The following INPP5B variants were observed in gnomAD, a reference collection of about 807,000 sequenced individuals.
INPP5B encodes the protein type II inositol 1,4,5-trisphosphate 5-phosphatase.
Under a neutral mutation model 118.5 loss-of-function variants are expected in INPP5B, and 90 were observed. The ratio of observed to expected loss-of-function variants is 0.76; its 90% confidence interval spans 0.64 to 0.90. The LOEUF (loss-of-function observed/expected upper bound fraction) is 0.90, where lower values mean the gene tolerates loss of function less well. INPP5B is among the 40% of genes least tolerant of loss of function. The probability of loss-of-function intolerance (pLI) is 0.00; values close to 1 mark genes in which losing one functional copy is unlikely to be tolerated. For synonymous variants in INPP5B, 385 were observed against 418.9 expected (o/e 0.92, Z 0.99); for missense variants, 984 against 1,125.6 (o/e 0.87, Z 1.80).
At chr1:37,938,226 G>T (rs541087668) in intron 6 of INPP5B, among the ~76,000 whole-genome samples, 2 of 151,266 alleles carry the variant, frequency 1.3e-5, no homozygotes. Flanking sequence ...CCGAGATTGC[G>T]CCATTGCACT....
At chr1:37,925,579 C>G (rs76164173) in intron 7 of INPP5B, among the ~76,000 whole-genome samples, 5,511 of 152,224 alleles carry the variant, frequency 0.036, 273 homozygotes, top group African/African-American at 0.11. Flanking sequence ...TGCAAGTCAG[C>G]TAGCATCTAT....
rs151287662 is a variant in INPP5B at position 37,908,449 on chromosome 1, G to T, written c.533-16995C>A. ...CTTTTTCCTCTCTAGTAGAGACAAGGAGACGGCCAGGTGCGGTGGCTCACG... is the reference window on the plus strand; with the variant it reads ...CTTTTTCCTCTCTAGTAGAGACAAGTAGACGGCCAGGTGCGGTGGCTCACG... On this transcript the variant is annotated intron_variant, in intron 7 of 23. Coordinates refer to ENST00000373024, the MANE Select transcript of INPP5B (RefSeq NM_005540.3). Among the ~76,000 whole-genome samples, 576 of 152,184 alleles carry T rather than the reference G, an allele frequency of 3.8e-3. 4 individuals are homozygous for T. Among genetic ancestry groups the T allele is most frequent in the African/African-American group, 0.013 (547 of 41,524 alleles).
intron 7 of INPP5B, among the ~76,000 whole-genome samples, chr1:37,926,593 T>C (rs1037911510): frequency 1.1e-4 from 17 of 152,318 alleles, no homozygotes; most frequent in African/African-American, 4.1e-4. Flanking sequence ...AGCTGGCTCA[T>C]TTCTAATCAA....
At chr1:37,880,764 C>CT (rs1280305912) in intron 14 of INPP5B, among the ~76,000 whole-genome samples, 3 of 152,158 alleles carry the variant, frequency 2.0e-5, no homozygotes, top group Non-Finnish European at 4.4e-5. Flanking sequence ...CTCACTCTGT[C>CT]ACCCAGGCTG....
At chr1:37,891,917 A>C (rs1025047202) in intron 7 of INPP5B, among the ~76,000 whole-genome samples, 1 of 152,252 alleles carries the variant, frequency 6.6e-6, no homozygotes, top group Non-Finnish European at 1.5e-5. Context: ...TGTCTGGGTG[A>C]AGTCCCACAG....
chr1:37,891,544 G>T (rs1219295654), intron 7 of INPP5B, 90 bp from the exon 8 acceptor site: 1 of 859,766 alleles, frequency 1.2e-6, no homozygotes, highest in East Asian at 2.6e-5. Flanking sequence ...GGAGGCCAAG[G>T]TAGGTGGATC....
chr1:37,885,383 C>A, intron 13 of INPP5B: 1 of 329,434 alleles, frequency 3.0e-6, no homozygotes, highest in South Asian at 4.6e-5. Context: ...CACTGTACTC[C>A]AGCCTAGGCG....
In INPP5B at chr1:37,886,884, T is replaced by G; in HGVS notation, c.1131+4A>C. The stretch of plus-strand genomic sequence containing the variant: ...TGTGCCAAACAAACCAACCAAGGAC[T>G]CACCATCCTCCCCATGATTCCTGTC... On this transcript the variant is annotated splice_donor_region_variant and intron_variant, in intron 12 of 23. Coordinates refer to ENST00000373024, the MANE Select transcript of INPP5B (RefSeq NM_005540.3). 6.2e-7 allele frequency: 1 copy of G among 1,612,058 alleles called. No homozygotes were observed. Among genetic ancestry groups the G allele is most frequent in the Non-Finnish European group, 8.5e-7 (1 of 1,178,114 alleles).
chr1:37,937,634 G>T (rs1455972688), intron 6 of INPP5B, among the ~76,000 whole-genome samples: 1 of 152,092 alleles, frequency 6.6e-6, no homozygotes, highest in East Asian at 1.9e-4. Flanking sequence ...AGGCATGGTG[G>T]CATGCGCCTG....
At chr1:37,892,882 T>A (rs1643887658) in intron 7 of INPP5B, among the ~76,000 whole-genome samples, 1 of 151,976 alleles carries the variant, frequency 6.6e-6, no homozygotes, top group Admixed American at 6.6e-5. Flanking sequence ...TTGAGGAGAC[T>A]AGAGTTCCCC....
chr1:37,945,926 T>C (rs1002310338), intron 2 of INPP5B, 76 bp from the exon 3 acceptor site: 1 of 1,337,410 alleles, frequency 7.5e-7, no homozygotes, highest in Non-Finnish European at 1.1e-6. Flanking sequence ...CTTCCCTCTG[T>C]TCCCCTGCCC....
Position 37,907,835 on chromosome 1 carries a change from G to C in INPP5B, c.533-16381C>G, listed in dbSNP as rs1644549691. On this transcript the variant is annotated intron_variant, in intron 7 of 23. Coordinates refer to ENST00000373024, the MANE Select transcript of INPP5B (RefSeq NM_005540.3). The surrounding 1 kb of genome is among the most constrained non-coding windows in gnomAD (Gnocchi z 4.3). ...TAATCTGTCAGGCCTCTGAGCCCAA[G>C]CTAAGCCATCATATCCCCTGTGACC... is the stretch of plus-strand genomic sequence containing the variant. Among the ~76,000 whole-genome samples, 1 of 152,238 alleles carries C rather than the reference G, an allele frequency of 6.6e-6. No individual in the cohort carries two copies. The highest frequency in any genetic ancestry group is 6.5e-5 in the Admixed American group (1 of 15,280).
rs780754308 is a variant in INPP5B at position 37,880,121 on chromosome 1, T to C, written c.1505A>G (p.Tyr502Cys). ...TEGELTFQPT[Y>C]KYDTGSDDWD... Reference sequence around the variant, plus strand: ...GTCGTCAGAGCCCGTATCATACTTGTAAGTAGGCTGGAATGTGAGCTCACC... The same window carrying C: ...GTCGTCAGAGCCCGTATCATACTTGCAAGTAGGCTGGAATGTGAGCTCACC... The change falls in exon 15 of 24, where the codon TAC (tyrosine) becomes TGC (cysteine). Residue 502 changes from tyrosine (Y) to cysteine (C), a missense_variant. By Grantham distance (194) the Tyr-to-Cys change is radical. Around this residue, in one of 2 missense-constraint regions of INPP5B, gnomAD observed 634 missense variants for 791.0 expected, o/e 0.80. Transcript: ENST00000373024. 1.2e-6 allele frequency: 2 copies of C among 1,612,062 alleles called. No individual in the cohort carries two copies. Among genetic ancestry groups the C allele is most frequent in the Non-Finnish European group, 1.7e-6 (2 of 1,178,454 alleles).
chr1:37,883,921 GACTT>G (rs760508763), intron 13 of INPP5B: 26 of 898,818 alleles, frequency 2.9e-5, no homozygotes, highest in Non-Finnish European at 3.5e-5. Context: ...CTAAGGCTTT[GACTT>G]TAGACAAAGA....
intron 20 of INPP5B, among the ~76,000 whole-genome samples, chr1:37,867,521 A>G (rs1256442985): frequency 6.6e-6 from 1 of 152,174 alleles, no homozygotes; most frequent in Non-Finnish European, 1.5e-5. Context: ...CTGTTTCCTC[A>G]TCTGAGAACT....
At chr1:37,926,839 T>A (rs1645248500) in intron 7 of INPP5B, among the ~76,000 whole-genome samples, 1 of 152,002 alleles carries the variant, frequency 6.6e-6, no homozygotes, top group African/African-American at 2.4e-5. Context: ...GTTTTCTGAA[T>A]AAGAGCAACT....
At chr1:37,871,661 G>A (rs1642448949) in intron 19 of INPP5B, among the ~76,000 whole-genome samples, 1 of 151,928 alleles carries the variant, frequency 6.6e-6, no homozygotes, top group African/African-American at 2.4e-5. Context: ...CTAGCACTTT[G>A]GGAGGCTGAG....
In INPP5B at chr1:37,931,216, A is replaced by G. The variant is rs556989420; in HGVS notation, c.532+697T>C. On this transcript the variant is annotated intron_variant, in intron 7 of 23. Transcript: ENST00000373024. ...AGACTCCAGCCCTGTACACTGCGCT[A>G]TCATCACAGGGGCTGAGAACTGACA... 2.3e-4 allele frequency: 77 copies of G among 339,550 alleles called. 2 individuals are homozygous for G. The highest frequency in any genetic ancestry group is 1.4e-3 in the South Asian group (63 of 43,756). 21.0% of individuals were successfully genotyped at this position (339,550 alleles called of 1,614,324 possible).
chr1:37,915,190 CATAGCCTA>C (rs1342497845), intron 7 of INPP5B, among the ~76,000 whole-genome samples: 10 of 152,182 alleles, frequency 6.6e-5, no homozygotes, highest in African/African-American at 2.4e-4. Flanking sequence ...CAAGCAGCAA[CATAGCCTA>C]ATATAGACCC....
Sources: gnomAD v4.1 joint callset for allele counts (sites outside exome capture counted in the v4.1 genomes callset) on GRCh38, gnomAD v4.1.1 for gene constraint, gnomAD v4.1.1 regional missense constraint, Gnocchi (gnomAD v3.1) non-coding constraint, MANE v1.5 for transcripts, NCBI Gene and HGNC (gene_info 2026-07-23, HGNC 2026-07-21) for gene names.